ZFYVE28: variants seen among roughly 807,000 people sequenced by gnomAD.
ZFYVE28 encodes the protein zinc finger FYVE-type containing 28, also known as lateral signaling target protein 2 homolog.
A neutral mutation model predicts 82.1 loss-of-function variants in ZFYVE28; 40 were observed. The observed-to-expected ratio is 0.49, with a 90% CI of 0.38 to 0.63. ZFYVE28 has a LOEUF of 0.63. ZFYVE28 is among the 30% of genes least tolerant of loss of function. The pLI, the probability that ZFYVE28 is intolerant of heterozygous loss-of-function variation, is 0.00. For missense variants in ZFYVE28, 1,321 were observed against 1,242.1 expected, an observed-to-expected ratio of 1.06 and a Z score of -0.96; for synonymous variants, 612 against 546.1, an observed-to-expected ratio of 1.12 and a Z score of -1.68.
intron 2 of ZFYVE28, among the ~76,000 whole-genome samples, chr4:2,343,931 C>T (rs1723162996): frequency 6.6e-6 from 1 of 152,212 alleles, no homozygotes; most frequent in South Asian, 2.1e-4. Flanking sequence ...CTGCAAGAAA[C>T]ACTTGCTAGG....
rs117265872 is a variant in ZFYVE28, at chr4:2,327,522, G to A, written c.702-7251C>T. ...GTATAACGTTAGCTGTGGGCTTCTT[G>A]TTATATATGGCCTTTATTGCGTTAA... On this transcript the variant is annotated intron_variant, in intron 6 of 12. Transcript: ENST00000290974. 2.6e-3 allele frequency among the ~76,000 whole-genome samples: 395 copies of A among 151,564 alleles called. 14 individuals are homozygous for A. In the East Asian group the frequency reaches 0.064, roughly 24 times the overall value.
At chr4:2,371,114 G>C (rs1439283288) in intron 1 of ZFYVE28, among the ~76,000 whole-genome samples, 2 of 152,214 alleles carry the variant, frequency 1.3e-5, no homozygotes, top group Non-Finnish European at 2.9e-5. Context: ...GCGACTTGGA[G>C]CTGGAGAGAA....
At chr4:2,396,100 C>A (rs1295818034) in intron 1 of ZFYVE28, among the ~76,000 whole-genome samples, 1 of 139,640 alleles carries the variant, frequency 7.2e-6, no homozygotes, top group Non-Finnish European at 1.6e-5. Flanking sequence ...CTGATGGGAC[C>A]AGCCATCCTG....
chr4:2,283,576 A>AT (rs1712286807), intron 8 of ZFYVE28, among the ~76,000 whole-genome samples: 1 of 151,478 alleles, frequency 6.6e-6, no homozygotes, highest in Admixed American at 6.6e-5. Flanking sequence ...CCGTCCATCC[A>AT]CCCATCCATC....
intron 7 of ZFYVE28, among the ~76,000 whole-genome samples, chr4:2,305,925 A>T (rs920879372): frequency 2.0e-5 from 3 of 152,226 alleles, no homozygotes; most frequent in African/African-American, 4.8e-5. Flanking sequence ...CACAAATACC[A>T]TTGGGCACTG....
At chr4:2,326,223 T>C (rs1246147646) in intron 6 of ZFYVE28, among the ~76,000 whole-genome samples, 1 of 152,244 alleles carries the variant, frequency 6.6e-6, no homozygotes, top group Non-Finnish European at 1.5e-5. Context: ...CATTTTGAGT[T>C]GATTTTTTAT....
intron 2 of ZFYVE28, among the ~76,000 whole-genome samples, chr4:2,346,950 C>T (rs1315923407): frequency 6.6e-6 from 1 of 151,982 alleles, no homozygotes; most frequent in Non-Finnish European, 1.5e-5. Context: ...ACATATTAAA[C>T]AAAAATGATC....
intron 8 of ZFYVE28, among the ~76,000 whole-genome samples, chr4:2,285,128 C>T (rs949612027): frequency 1.3e-5 from 2 of 152,196 alleles, no homozygotes; most frequent in African/African-American, 2.4e-5. Flanking sequence ...CACACCTGGG[C>T]AGAACCCCAC....
intron 1 of ZFYVE28, among the ~76,000 whole-genome samples, chr4:2,385,771 G>C (rs3135099): frequency 0.23 from 35,138 of 152,056 alleles, 4,459 homozygotes; most frequent in African/African-American, 0.32. Context: ...TTCACAAGGC[G>C]GGACTTGACA....
intron 1 of ZFYVE28, among the ~76,000 whole-genome samples, chr4:2,413,179 A>G (rs972295537): frequency 2.2e-4 from 33 of 152,194 alleles, no homozygotes; most frequent in African/African-American, 7.7e-4. Context: ...CCCCAACCAC[A>G]AACAGAAACC....
intron 1 of ZFYVE28, among the ~76,000 whole-genome samples, chr4:2,387,992 G>A (rs758752640): frequency 3.9e-5 from 6 of 152,202 alleles, no homozygotes; most frequent in African/African-American, 9.7e-5. Flanking sequence ...GTCTGGAGTC[G>A]CCACCCTCGG....
intron 6 of ZFYVE28, chr4:2,330,916 C>T (rs1447375525): frequency 2.6e-6 from 4 of 1,534,746 alleles, no homozygotes; most frequent in Middle Eastern, 1.7e-4. Context: ...AGGGTCTGAG[C>T]AGGGCAGAGA....
At chr4:2,321,808 G>A (rs1202999741) in intron 6 of ZFYVE28, among the ~76,000 whole-genome samples, 2 of 152,096 alleles carry the variant, frequency 1.3e-5, no homozygotes, top group Non-Finnish European at 2.9e-5. Flanking sequence ...CCCAACGTCT[G>A]CCCCTCTGGA....
intron 1 of ZFYVE28, among the ~76,000 whole-genome samples, chr4:2,399,048 A>ACAAGCGTGGAGGTGAGATCCAGGGCG (rs1730842170): frequency 8.0e-6 from 1 of 124,868 alleles, no homozygotes; most frequent in African/African-American, 3.3e-5. Context: ...GATCCAGGGC[A>ACAAGCGTGGAGGTGAGATCCAGGGCG]CAAGCGTGGA....
chr4:2,329,761 T>C (rs955912506), intron 6 of ZFYVE28, among the ~76,000 whole-genome samples: 2 of 152,254 alleles, frequency 1.3e-5, no homozygotes, highest in Admixed American at 6.5e-5. Context: ...TGTTTTTGCA[T>C]AGCATTAGGA....
In ZFYVE28 at chr4:2,304,854, C is replaced by T. The variant is rs146868997; in HGVS notation, c.1486G>A (p.Asp496Asn). Residue 496 changes from aspartate (D) to asparagine (N), a missense_variant, in exon 8 of 13, where the codon GAT becomes AAT. By Grantham distance (23) the Asp-to-Asn change is conservative (BLOSUM62 1). Coordinates refer to ENST00000290974, the MANE Select transcript of ZFYVE28 (RefSeq NM_020972.3). ...LHLDGWEVGADDAETAEMIAH... is the reference protein window; with the variant it reads ...LHLDGWEVGANDAETAEMIAH... ...ATCATCTCAGCCGTCTCTGCGTCAT[C>T]CGCACCCACCTCCCAGCCGTCCAGG... 6 of 1,612,596 alleles carry T rather than the reference C, an allele frequency of 3.7e-6. No homozygotes were observed. Among genetic ancestry groups the T allele is most frequent in the African/African-American group, 1.3e-5 (1 of 74,932 alleles).
chr4:2,305,435 C>G lies in ZFYVE28; in HGVS notation c.905G>C (p.Gly302Ala), dbSNP rs754805866. 1.9e-5 allele frequency: 31 copies of G among 1,612,760 alleles called. 1 individual carries two copies. The South Asian group carries it at 3.2e-4, about 17-fold the overall frequency. ...VEFPIRADVQ[G>A]PAALAPALSA... is the part of the protein sequence containing the mutation. ...GAGGGCAGGCGCCAGGGCAGCGGGT[C>G]CCTGCACGTCTGCGCGGATGGGGAA... The change falls in exon 8 of 13, where the codon GGA (glycine) becomes GCA (alanine). Residue 302 changes from glycine to alanine, a missense_variant. Gly to Ala is a moderately conservative substitution (Grantham distance 60). Around this residue, in one of 2 missense-constraint regions of ZFYVE28, gnomAD observed 978 missense variants for 833.7 expected, o/e 1.17. Transcript: ENST00000290974.
At position 2,330,938 on chromosome 4, in the gene ZFYVE28, T is replaced by C. The variant is rs113860566; in HGVS notation, c.701+4767A>G. ...GAGCAGGGCAGAGATGACACCTTGT[T>C]TTGACACAGGTGGATGGGTGAGGGC... On this transcript the variant is annotated intron_variant, in intron 6 of 12. Coordinates refer to ENST00000290974, the MANE Select transcript of ZFYVE28 (RefSeq NM_020972.3). 2.6e-6 allele frequency: 4 copies of C among 1,533,744 alleles called. No homozygotes were observed. The South Asian group carries it at 4.8e-5, about 18-fold the overall frequency.
intron 1 of ZFYVE28, among the ~76,000 whole-genome samples, chr4:2,395,093 T>A (rs1166387064): frequency 1.3e-5 from 2 of 152,146 alleles, no homozygotes; most frequent in East Asian, 3.9e-4. Flanking sequence ...TAACTGGCCA[T>A]CCTCTCCTCA....
Sources: allele counts gnomAD v4.1 joint callset (sites outside exome capture counted in the v4.1 genomes callset), GRCh38; gene constraint gnomAD v4.1.1; regional missense constraint gnomAD v4.1.1; transcripts MANE v1.5; gene names NCBI Gene and HGNC (gene_info 2026-07-23, HGNC 2026-07-21).